Variants in CLSTN2 observed in about 807,000 individuals in gnomAD.
CLSTN2 encodes calsyntenin-2.
CLSTN2 carries 48 observed loss-of-function variants against 101.2 expected under a neutral mutation model. That is an observed-to-expected ratio of 0.47 (90% CI 0.38 to 0.60). The LOEUF is 0.60. Among genes scored for constraint, CLSTN2 ranks in the 20% least tolerant of loss-of-function variants. The pLI, the probability that CLSTN2 is intolerant of heterozygous loss-of-function variation, is 0.00. For synonymous variants in CLSTN2, 481 were observed against 463.6 expected, an observed-to-expected ratio of 1.04 and a Z score of -0.48; for missense variants, 1,160 against 1,238.2, an observed-to-expected ratio of 0.94 and a Z score of 0.95.
At chr3:140,460,234 T>C (rs1292947010) in intron 7 of CLSTN2, 1 of 172,288 alleles carries the variant, frequency 5.8e-6, no homozygotes, top group Non-Finnish European at 1.3e-5. Flanking sequence ...CTCTGACATA[T>C]ATAGTAATGA....
chr3:140,283,894 G>C (rs748038264), intron 2 of CLSTN2, among the ~76,000 whole-genome samples: 2 of 152,132 alleles, frequency 1.3e-5, no homozygotes, highest in Non-Finnish European at 2.9e-5. Context: ...GACTTGTTTA[G>C]GAAATTGATA....
intron 2 of CLSTN2, among the ~76,000 whole-genome samples, chr3:140,201,310 C>T (rs1205997791): frequency 6.6e-6 from 1 of 152,030 alleles, no homozygotes; most frequent in Non-Finnish European, 1.5e-5. Context: ...AGCAGGAAAG[C>T]CTGGAGCAGA....
At chr3:139,947,356 C>A (rs977808760) in intron 1 of CLSTN2, among the ~76,000 whole-genome samples, 6 of 152,208 alleles carry the variant, frequency 3.9e-5, no homozygotes, top group Non-Finnish European at 8.8e-5. Flanking sequence ...CTTATTGGTG[C>A]ACATCTCTTT....
At chr3:140,459,855 G>A (rs953831750) in intron 7 of CLSTN2, 86 bp downstream of exon 7, 4 of 1,456,690 alleles carry the variant, frequency 2.7e-6, no homozygotes, top group Admixed American at 3.5e-5. Context: ...ACACAGCCAA[G>A]GAGGATGTGG....
chr3:140,510,468 G>A (rs1305923585), intron 8 of CLSTN2, among the ~76,000 whole-genome samples: 1 of 152,224 alleles, frequency 6.6e-6, no homozygotes, highest in African/African-American at 2.4e-5. Context: ...ATTAAATCCT[G>A]GGTGCAAAGC....
chr3:140,007,442 G>A (rs1175585417), intron 1 of CLSTN2, among the ~76,000 whole-genome samples: 4 of 152,180 alleles, frequency 2.6e-5, no homozygotes, highest in Non-Finnish European at 5.9e-5. Context: ...TTTCGACGGG[G>A]CAGCCTTTCC....
intron 1 of CLSTN2, among the ~76,000 whole-genome samples, chr3:140,147,741 G>A (rs1335402243): frequency 6.6e-6 from 1 of 152,062 alleles, no homozygotes; most frequent in Non-Finnish European, 1.5e-5. Flanking sequence ...CTACCCTCAG[G>A]GAGCTCTAGT....
At chr3:140,097,450 A>G (rs1393500560) in intron 1 of CLSTN2, among the ~76,000 whole-genome samples, 1 of 152,230 alleles carries the variant, frequency 6.6e-6, no homozygotes, top group Non-Finnish European at 1.5e-5. Flanking sequence ...TAATGCTCAC[A>G]GCAGCCAATA....
At chr3:140,323,152 G>C (rs1166271793) in intron 2 of CLSTN2, among the ~76,000 whole-genome samples, 2 of 152,168 alleles carry the variant, frequency 1.3e-5, no homozygotes, top group African/African-American at 4.8e-5. Flanking sequence ...CCTTGAGCAG[G>C]CCTCCCCAGC....
At chr3:140,056,350 C>T (rs944979828) in intron 1 of CLSTN2, among the ~76,000 whole-genome samples, 1 of 152,202 alleles carries the variant, frequency 6.6e-6, no homozygotes, top group Non-Finnish European at 1.5e-5. Context: ...TCCCCTCCTG[C>T]CAACCCCCAC....
chr3:140,392,332 C>A (rs930657199), intron 2 of CLSTN2, among the ~76,000 whole-genome samples: 1 of 151,634 alleles, frequency 6.6e-6, no homozygotes, highest in African/African-American at 2.4e-5. Flanking sequence ...GAGAAATTTT[C>A]TATTCTAATT....
At chr3:140,333,092 A>G (rs1376254108) in intron 2 of CLSTN2, among the ~76,000 whole-genome samples, 5 of 152,186 alleles carry the variant, frequency 3.3e-5, no homozygotes, top group East Asian at 1.9e-4. Flanking sequence ...GTAGGACCCC[A>G]GGTGGAGCTC....
intron 2 of CLSTN2, among the ~76,000 whole-genome samples, chr3:140,389,933 AG>A (rs1393400894): frequency 6.6e-6 from 1 of 152,156 alleles, no homozygotes; most frequent in African/African-American, 2.4e-5. Flanking sequence ...TTTTGGTATT[AG>A]GGTAATGCTA....
At chr3:140,068,156 T>A (rs1162200646) in intron 1 of CLSTN2, among the ~76,000 whole-genome samples, 1 of 152,140 alleles carries the variant, frequency 6.6e-6, no homozygotes, top group Non-Finnish European at 1.5e-5. Context: ...GAGGCAGAGT[T>A]TTCCCTGGGC....
chr3:139,967,930 T>A (rs1461357735), intron 1 of CLSTN2, among the ~76,000 whole-genome samples: 1 of 152,144 alleles, frequency 6.6e-6, no homozygotes, highest in Non-Finnish European at 1.5e-5. Flanking sequence ...GGGAACTACA[T>A]GTGATGATTC....
intron 10 of CLSTN2, among the ~76,000 whole-genome samples, chr3:140,547,979 T>TAACA (rs773446550): frequency 8.5e-5 from 13 of 152,330 alleles, no homozygotes; most frequent in Non-Finnish European, 1.5e-4. Flanking sequence ...TCAGCTGGCC[T>TAACA]AACATCCTTG....
At chr3:140,424,216 A>G (rs956747309) in intron 5 of CLSTN2, among the ~76,000 whole-genome samples, 1 of 152,184 alleles carries the variant, frequency 6.6e-6, no homozygotes, top group Non-Finnish European at 1.5e-5. Flanking sequence ...AAGAATTCAA[A>G]CTGCCAAACT....
chr3:140,095,844 C>G (rs1375955151), intron 1 of CLSTN2, among the ~76,000 whole-genome samples: 1 of 152,080 alleles, frequency 6.6e-6, no homozygotes, highest in African/African-American at 2.4e-5. Flanking sequence ...TTCCAAACCC[C>G]GTAAATTAGT....
chr3:140,409,732 A>C (rs74747565), intron 4 of CLSTN2, among the ~76,000 whole-genome samples: 48 of 152,306 alleles, frequency 3.2e-4, no homozygotes, highest in African/African-American at 1.2e-3. Flanking sequence ...AATTCCTGAT[A>C]AGAATTTGAA....
Sources: gnomAD v4.1 joint callset for allele counts (sites outside exome capture counted in the v4.1 genomes callset) on GRCh38, gnomAD v4.1.1 for gene constraint, MANE v1.5 for transcripts, NCBI Gene and HGNC (gene_info 2026-07-23, HGNC 2026-07-21) for gene names.